The following UNC79 variants were observed in gnomAD, a reference collection of about 807,000 sequenced individuals.
The protein encoded by UNC79 is protein unc-79 homolog.
UNC79 carries 37 observed loss-of-function variants against 283.1 expected under a neutral mutation model. The observed-to-expected ratio is 0.13, with a 90% CI of 0.10 to 0.17. The LOEUF (loss-of-function observed/expected upper bound fraction) is 0.17. Ranked by LOEUF, UNC79 falls within the 10% of genes least tolerant of loss-of-function variation. The pLI is 1.00. For missense variants in UNC79, 2,272 were observed against 3,211.1 expected (o/e 0.71, Z 7.07); for synonymous variants, 1,107 against 1,200.2 (o/e 0.92, Z 1.61).
intron 1 of UNC79, among the ~76,000 whole-genome samples, chr14:93,417,397 A>C (rs1195201992): frequency 6.6e-6 from 1 of 152,192 alleles, no homozygotes; most frequent in Non-Finnish European, 1.5e-5. Context: ...ATCCGCTGTT[A>C]GTCTGATGGG....
chr14:93,436,272 G>T (rs1036305200), intron 1 of UNC79, among the ~76,000 whole-genome samples: 19 of 152,100 alleles, frequency 1.2e-4, no homozygotes, highest in Admixed American at 9.8e-4. Flanking sequence ...CTTTTCAAAT[G>T]GATTTACAGG....
chr14:93,690,244 G>T lies in UNC79; in HGVS notation c.7213G>T (p.Gly2405Cys). 6.2e-7 allele frequency: 1 copy of T among 1,614,174 alleles called. No individual in the cohort carries two copies. The highest frequency in any genetic ancestry group is 8.5e-7 in the Non-Finnish European group (1 of 1,180,038). ...CTGCCTGCCCATTCCTCTGGATGCAGGCTCCCACGTTGCAGACCATCTTAT... is the reference window on the plus strand; with the variant it reads ...CTGCCTGCCCATTCCTCTGGATGCATGCTCCCACGTTGCAGACCATCTTAT... Residue 2405 changes from glycine to cysteine, a missense_variant, in exon 45 of 49, where the codon GGC (glycine) becomes TGC (cysteine). Gly to Cys is a radical substitution (Grantham distance 159). Transcript: ENST00000555664. The surrounding 1 kb of genome is among the most constrained non-coding windows in gnomAD (Gnocchi z 4.3).
At chr14:93,348,106 T>C (rs948046442) in intron 1 of UNC79, 9 of 1,602,496 alleles carry the variant, frequency 5.6e-6, no homozygotes, top group Non-Finnish European at 7.7e-6. Context: ...CCTGAAGCAG[T>C]TCAGAAGGAA....
chr14:93,385,264 C>G (rs1395983818), intron 1 of UNC79, among the ~76,000 whole-genome samples: 1 of 152,094 alleles, frequency 6.6e-6, no homozygotes, highest in Non-Finnish European at 1.5e-5. Flanking sequence ...TTGGGTAGTA[C>G]AGACATTTTA....
At chr14:93,640,513 A>C (rs2068926383) in intron 32 of UNC79, among the ~76,000 whole-genome samples, 1 of 152,166 alleles carries the variant, frequency 6.6e-6, no homozygotes, top group African/African-American at 2.4e-5. Context: ...CTGTAGCCCC[A>C]GCCACTTGTG....
At chr14:93,476,239 G>A (rs964394154) in intron 3 of UNC79, among the ~76,000 whole-genome samples, 3 of 152,162 alleles carry the variant, frequency 2.0e-5, no homozygotes, top group African/African-American at 4.8e-5. Flanking sequence ...CACAGGAAGA[G>A]CACTAGGCAA....
intron 1 of UNC79, among the ~76,000 whole-genome samples, chr14:93,405,865 G>A (rs1199147550): frequency 1.3e-5 from 2 of 152,198 alleles, no homozygotes; most frequent in African/African-American, 4.8e-5. Flanking sequence ...AAGAGCAGGA[G>A]AGTAATCTCT....
intron 47 of UNC79, among the ~76,000 whole-genome samples, chr14:93,700,171 T>G (rs114160422): frequency 0.025 from 3,730 of 152,020 alleles, 108 homozygotes; most frequent in African/African-American, 0.072. Flanking sequence ...ATCTTTTTTG[T>G]CTGTATGTGA....
chr14:93,388,858 C>T (rs1320249657), intron 1 of UNC79, among the ~76,000 whole-genome samples: 2 of 152,142 alleles, frequency 1.3e-5, no homozygotes, highest in African/African-American at 2.4e-5. Flanking sequence ...TATATATTTA[C>T]ATTTTAGGTT....
chr14:93,572,208 T>A, intron 15 of UNC79, 124 bp downstream of exon 15: 1 of 1,025,564 alleles, frequency 9.8e-7, no homozygotes, highest in Non-Finnish European at 1.3e-6. Flanking sequence ...TTAACCACCC[T>A]GTGGAGAAAC....
intron 24 of UNC79, among the ~76,000 whole-genome samples, chr14:93,599,121 T>C (rs1481049957): frequency 6.6e-6 from 1 of 152,244 alleles, no homozygotes; most frequent in African/African-American, 2.4e-5. Context: ...ATTCAACTAA[T>C]GATAGCAAGA....
At chr14:93,663,183 G>T (rs2071787723) in intron 40 of UNC79, among the ~76,000 whole-genome samples, 1 of 152,074 alleles carries the variant, frequency 6.6e-6, no homozygotes. Flanking sequence ...CTGGGTTCTT[G>T]GCCTCTGAGA....
At chr14:93,697,725 G>T (rs1359429172) in intron 47 of UNC79, among the ~76,000 whole-genome samples, 1 of 152,118 alleles carries the variant, frequency 6.6e-6, no homozygotes, top group Non-Finnish European at 1.5e-5. Context: ...GGACAGCCTG[G>T]CAGCATATTG....
exon 9 of UNC79, chr14:93,528,630 A>G: frequency 6.2e-7 from 1 of 1,613,934 alleles, no homozygotes; most frequent in Non-Finnish European, 8.5e-7. Context: ...TGAAGAATGC[A>G]GCGAGAGGAT....
intron 47 of UNC79, among the ~76,000 whole-genome samples, chr14:93,700,909 T>G (rs2075481516): frequency 6.6e-6 from 1 of 151,418 alleles, no homozygotes; most frequent in Non-Finnish European, 1.5e-5. Flanking sequence ...TTCGGGTCGT[T>G]TTTTCTCCAG....
At chr14:93,405,241 C>A (rs2055202970) in intron 1 of UNC79, among the ~76,000 whole-genome samples, 1 of 151,120 alleles carries the variant, frequency 6.6e-6, no homozygotes, top group Non-Finnish European at 1.5e-5. Context: ...CAAGATCACA[C>A]CATTGCACTC....
At chr14:93,558,414 G>A (rs963163924) in intron 14 of UNC79, among the ~76,000 whole-genome samples, 1 of 151,970 alleles carries the variant, frequency 6.6e-6, no homozygotes, top group African/African-American at 2.4e-5. Flanking sequence ...AAATTAGCCC[G>A]GTGCGGTGGC....
At chr14:93,656,287 A>G (rs557375324) in intron 38 of UNC79, among the ~76,000 whole-genome samples, 3 of 152,208 alleles carry the variant, frequency 2.0e-5, no homozygotes, top group South Asian at 2.1e-4. Context: ...CTCTATGCAG[A>G]TTACAGAAGC....
chr14:93,620,177 A>G (rs2139899186), intron 29 of UNC79, among the ~76,000 whole-genome samples: 1 of 152,364 alleles, frequency 6.6e-6, no homozygotes, highest in Non-Finnish European at 1.5e-5. Flanking sequence ...GAGATCCGTA[A>G]TAGTTACACG....
Sources: allele counts gnomAD v4.1 joint callset (sites outside exome capture counted in the v4.1 genomes callset), GRCh38; gene constraint gnomAD v4.1.1; non-coding constraint Gnocchi (gnomAD v3.1); transcripts MANE v1.5; gene names NCBI Gene and HGNC (gene_info 2026-07-23, HGNC 2026-07-21).